COQ3: variants seen among roughly 807,000 people sequenced by gnomAD.
COQ3 encodes ubiquinone biosynthesis O-methyltransferase, mitochondrial.
A neutral mutation model predicts 33.1 loss-of-function variants in COQ3; 29 were observed. The observed-to-expected ratio is 0.88, with a 90% CI of 0.65 to 1.19. COQ3 has a LOEUF of 1.19. Among genes scored for constraint, COQ3 ranks in the 50% most tolerant of loss-of-function variants. The pLI is 0.00. For missense variants in COQ3, 437 were observed against 430.7 expected, an observed-to-expected ratio of 1.01 and a Z score of -0.13; for synonymous variants, 173 against 157.8, an observed-to-expected ratio of 1.10 and a Z score of -0.72.
intron 1 of COQ3, among the ~76,000 whole-genome samples, chr6:99,389,487 A>G (rs1372417509): frequency 6.6e-6 from 1 of 152,174 alleles, no homozygotes; most frequent in East Asian, 1.9e-4. Flanking sequence ...AATTTAAAAA[A>G]TCAAAAAGTA....
At chr6:99,391,800 A>G (rs1198556393) in intron 1 of COQ3, among the ~76,000 whole-genome samples, 1 of 152,138 alleles carries the variant, frequency 6.6e-6, no homozygotes, top group African/African-American at 2.4e-5. Flanking sequence ...GGAGTTCAAG[A>G]CCAGCCTGGA....
chr6:99,377,254 C>T, intron 4 of COQ3, 132 bp downstream of exon 4: 7 of 726,772 alleles, frequency 9.6e-6, no homozygotes, highest in South Asian at 9.6e-5. Flanking sequence ...AGGTGATCCA[C>T]CCACCCTGGC....
intron 3 of COQ3, among the ~76,000 whole-genome samples, chr6:99,379,322 G>A (rs1374291808): frequency 5.9e-5 from 9 of 152,180 alleles, no homozygotes; most frequent in Non-Finnish European, 5.9e-5. Flanking sequence ...GAATTCTCAC[G>A]TTAAGTGAGA....
At chr6:99,377,330 G>T in intron 4 of COQ3, 56 bp downstream of exon 4, 3 of 1,220,812 alleles carry the variant, frequency 2.5e-6, no homozygotes, top group Non-Finnish European at 3.6e-6. Flanking sequence ...TGAGGCACAA[G>T]TCTACTTCTT....
At chr6:99,377,349 T>TC (rs147407435) in intron 4 of COQ3, 37 bp downstream of exon 4, 217,558 of 1,394,870 alleles carry the variant, frequency 0.16, 20,323 homozygotes, top group Non-Finnish European at 0.18. Flanking sequence ...TTAATTTTTT[T>TC]CTCCCAGTTA....
At chr6:99,375,183 G>T (rs1182940737) in intron 5 of COQ3, among the ~76,000 whole-genome samples, 2 of 151,690 alleles carry the variant, frequency 1.3e-5, no homozygotes, top group Non-Finnish European at 2.9e-5. Flanking sequence ...GGTCAGGCTG[G>T]TCTCAAACTC....
chr6:99,377,655 T>C (rs1420832026), intron 3 of COQ3, among the ~76,000 whole-genome samples, 170 bp from the exon 4 acceptor site: 1 of 152,160 alleles, frequency 6.6e-6, no homozygotes, highest in Non-Finnish European at 1.5e-5. Context: ...ACATTTTCAA[T>C]AATCAAAAGC....
At chr6:99,382,078 C>T (rs2128472241) in intron 2 of COQ3, among the ~76,000 whole-genome samples, 1 of 152,204 alleles carries the variant, frequency 6.6e-6, no homozygotes, top group East Asian at 1.9e-4. Context: ...TCCACTAGAC[C>T]ACAAGCACTA....
In COQ3 at chr6:99,376,093, T is replaced by G; in HGVS notation, c.576A>C (p.Pro192=). Reference sequence around the variant, plus strand: ...TGTACTCTATTCTCTTATCCAGGACTGGATCAAATGATTTATGGCATTGTG... The same window carrying G: ...TGTACTCTATTCTCTTATCCAGGACGGGATCAAATGATTTATGGCATTGTG... The part of the protein sequence containing the change: ...KTAQCHKSFD[P]VLDKRIEYRV... Residue 192 remains proline (P), a synonymous_variant, in exon 5 of 7, where the codon CCA becomes CCC. Coordinates refer to ENST00000254759, the MANE Select transcript of COQ3 (RefSeq NM_017421.4). 1 of 1,614,182 alleles carries G rather than the reference T, an allele frequency of 6.2e-7. No homozygotes were observed. Among genetic ancestry groups the G allele is most frequent in the African/African-American group, 1.3e-5 (1 of 75,066 alleles).
chr6:99,370,299 C>T (rs1276996177), intron 6 of COQ3, among the ~76,000 whole-genome samples: 2 of 149,766 alleles, frequency 1.3e-5, no homozygotes, highest in Non-Finnish European at 3.0e-5. Flanking sequence ...ATCTTTAAAA[C>T]ATTTTTTTCC....
At chr6:99,375,826 T>C in intron 5 of COQ3, 114 bp downstream of exon 5, 2 of 1,122,254 alleles carry the variant, frequency 1.8e-6, no homozygotes, top group Non-Finnish European at 2.6e-6. Flanking sequence ...TGGTTTCTTC[T>C]CTACTATACC....
chr6:99,393,881 T>C (rs764303893), intron 1 of COQ3, among the ~76,000 whole-genome samples, 193 bp downstream of exon 1: 2 of 152,176 alleles, frequency 1.3e-5, no homozygotes, highest in African/African-American at 2.4e-5. Flanking sequence ...CCTGAGCTCT[T>C]TTCCCCGGCG....
intron 1 of COQ3, among the ~76,000 whole-genome samples, chr6:99,389,134 T>G (rs12209258): frequency 1.3e-5 from 2 of 152,206 alleles, no homozygotes; most frequent in East Asian, 1.9e-4. Flanking sequence ...GTTTTGTTTT[T>G]GGGGGGAATA....
chr6:99,385,088 G>C (rs530124653), intron 1 of COQ3, among the ~76,000 whole-genome samples: 3 of 152,210 alleles, frequency 2.0e-5, no homozygotes, highest in Non-Finnish European at 4.4e-5. Flanking sequence ...TCCAGCCTGG[G>C]CGACAGAGCA....
chr6:99,386,053 C>CT (rs1774645370), intron 1 of COQ3, among the ~76,000 whole-genome samples: 1 of 147,992 alleles, frequency 6.8e-6, no homozygotes, highest in African/African-American at 2.5e-5. Context: ...AATCAACAAT[C>CT]TAAGTTTCGA....
intron 3 of COQ3, 69 bp from the exon 4 acceptor site, chr6:99,377,554 G>A: frequency 1.8e-6 from 2 of 1,099,562 alleles, no homozygotes; most frequent in East Asian, 2.7e-5. Flanking sequence ...CACAAAGTGT[G>A]TAGTTTTCAA....
intron 1 of COQ3, among the ~76,000 whole-genome samples, chr6:99,392,702 T>G (rs1055250711): frequency 6.6e-6 from 1 of 151,954 alleles, no homozygotes; most frequent in Non-Finnish European, 1.5e-5. Context: ...CTTGGCTTAC[T>G]GCAACCTCTG....
intron 1 of COQ3, among the ~76,000 whole-genome samples, chr6:99,385,452 A>T (rs1774598425): frequency 6.6e-6 from 1 of 152,236 alleles, no homozygotes; most frequent in African/African-American, 2.4e-5. Flanking sequence ...TATAGTTTTG[A>T]ATGTAATAAG....
intron 1 of COQ3, 36 bp downstream of exon 1, chr6:99,394,038 T>C (rs777389600): frequency 6.4e-7 from 1 of 1,563,878 alleles, no homozygotes; most frequent in South Asian, 1.1e-5. Flanking sequence ...CGCTCGCAAT[T>C]GACTGCATGC....
Sources: gnomAD v4.1 joint callset for allele counts (sites outside exome capture counted in the v4.1 genomes callset) on GRCh38, gnomAD v4.1.1 for gene constraint, MANE v1.5 for transcripts, NCBI Gene and HGNC (gene_info 2026-07-23, HGNC 2026-07-21) for gene names.